The following ADGB variants were observed in gnomAD, a reference collection of about 807,000 sequenced individuals.
ADGB encodes calpain-7-like protein.
A neutral mutation model predicts 210.5 loss-of-function variants in ADGB; 172 were observed. The observed-to-expected ratio is 0.82, with a 90% CI of 0.72 to 0.93. The LOEUF is 0.93. Ranked by LOEUF, ADGB falls within the 40% of genes least tolerant of loss-of-function variation. The pLI is 0.00. For missense variants in ADGB, 2,025 were observed against 1,964.8 expected (o/e 1.03, Z -0.58); for synonymous variants, 658 against 662.7 (o/e 0.99, Z 0.11).
In ADGB at chr6:146,717,050, G is replaced by A; in HGVS notation, c.1909G>A (p.Asp637Asn). Residue 637 changes from aspartate to asparagine, a missense_variant, in exon 15 of 36, where the codon GAT becomes AAT. Asp to Asn is a conservative substitution (Grantham distance 23, BLOSUM62 1). Transcript: ENST00000397944. ...TAAAGAAATATGGTTAGATTTTGAAGATTTCTGTGTATGCTTTCAGTAAGT... is the reference window on the plus strand; with the variant it reads ...TAAAGAAATATGGTTAGATTTTGAAAATTTCTGTGTATGCTTTCAGTAAGT... ...VSKEIWLDFE[D>N]FCVCFQNIYI... The A allele has an allele frequency of 6.4e-7, 1 of 1,551,376 alleles. No homozygotes were observed.
At chr6:146,640,691 G>A (rs1436332310) in intron 2 of ADGB, among the ~76,000 whole-genome samples, 1 of 151,862 alleles carries the variant, frequency 6.6e-6, no homozygotes, top group Non-Finnish European at 1.5e-5. Flanking sequence ...TGCAGAAGAG[G>A]CTTTTGATAA....
intron 1 of ADGB, among the ~76,000 whole-genome samples, chr6:146,625,834 G>A (rs1780963621): frequency 6.6e-6 from 1 of 151,950 alleles, no homozygotes; most frequent in Admixed American, 6.6e-5. Flanking sequence ...TGCAAGAATG[G>A]ACTAATACAG....
chr6:146,715,984 C>T (rs1054924088), intron 14 of ADGB, among the ~76,000 whole-genome samples: 3 of 148,444 alleles, frequency 2.0e-5, no homozygotes, highest in African/African-American at 7.6e-5. Flanking sequence ...AGGAGAATCT[C>T]TTGAACCAGG....
chr6:146,783,716 TA>T (rs1777833494), intron 30 of ADGB, among the ~76,000 whole-genome samples: 1 of 152,182 alleles, frequency 6.6e-6, no homozygotes, highest in Admixed American at 6.5e-5. Context: ...CCAGCTGCAT[TA>T]TTTATCAGTG....
chr6:146,715,379 T>G lies in ADGB; in HGVS notation c.1708-3T>G. Reference sequence around the variant, plus strand: ...TTCAAAGTGTGTTTCTTTTAATTCATAGGGAAATACTGCTTCACAAGTTAT... The same window carrying G: ...TTCAAAGTGTGTTTCTTTTAATTCAGAGGGAAATACTGCTTCACAAGTTAT... On this transcript the variant is annotated splice_region_variant and splice_polypyrimidine_tract_variant and intron_variant, in intron 13 of 35. Coordinates refer to ENST00000397944, the MANE Select transcript of ADGB (RefSeq NM_024694.4). 1 of 1,507,918 alleles carries G rather than the reference T, an allele frequency of 6.6e-7. No homozygotes were observed. The allele number at this position is 1,507,918 out of a possible 1,614,324, so 93.4% of individuals were successfully genotyped here.
intron 35 of ADGB, among the ~76,000 whole-genome samples, chr6:146,810,453 A>G (rs1430055431): frequency 6.6e-6 from 1 of 152,172 alleles, no homozygotes; most frequent in African/African-American, 2.4e-5. Flanking sequence ...ATTCCTGGGT[A>G]TATATTAAAG....
At chr6:146,697,327 G>A (rs1776419330) in intron 12 of ADGB, among the ~76,000 whole-genome samples, 1 of 152,164 alleles carries the variant, frequency 6.6e-6, no homozygotes, top group Non-Finnish European at 1.5e-5. Flanking sequence ...TGCAGCAATA[G>A]GTGGCTAATA....
intron 3 of ADGB, among the ~76,000 whole-genome samples, chr6:146,647,805 T>A (rs1775643459): frequency 6.6e-6 from 1 of 152,016 alleles, no homozygotes; most frequent in South Asian, 2.1e-4. Flanking sequence ...TTTTTGAATA[T>A]GACTCTGATA....
At chr6:146,786,286 G>A (rs2114648804) in intron 32 of ADGB, among the ~76,000 whole-genome samples, 1 of 150,930 alleles carries the variant, frequency 6.6e-6, no homozygotes, top group Non-Finnish European at 1.5e-5. Flanking sequence ...CTAAGTTCAG[G>A]GCCAGAGACA....
intron 35 of ADGB, chr6:146,807,511 C>T: frequency 1.9e-6 from 3 of 1,551,540 alleles, no homozygotes; most frequent in Non-Finnish European, 2.6e-6. Context: ...GCTCAGGAAG[C>T]CGCCATGAAG....
At chr6:146,764,140 AC>A (rs1221016228) in intron 28 of ADGB, 40 bp downstream of exon 28, 4 of 1,462,062 alleles carry the variant, frequency 2.7e-6, no homozygotes, top group Non-Finnish European at 3.7e-6. Context: ...TGTTCCTAAA[AC>A]CCTAACATAA....
intron 1 of ADGB, among the ~76,000 whole-genome samples, chr6:146,618,141 G>T (rs1055788110): frequency 6.6e-6 from 1 of 151,878 alleles, no homozygotes; most frequent in Non-Finnish European, 1.5e-5. Context: ...TATCATAAAG[G>T]TCTCCATCAT....
At chr6:146,787,787 C>T (rs1157076263) in intron 32 of ADGB, among the ~76,000 whole-genome samples, 2 of 152,010 alleles carry the variant, frequency 1.3e-5, no homozygotes, top group African/African-American at 4.8e-5. Flanking sequence ...CAATGCAGAA[C>T]ATAACATGAA....
chr6:146,715,182 T>A (rs1776715310), intron 13 of ADGB, among the ~76,000 whole-genome samples, 200 bp from the exon 14 acceptor site: 1 of 152,228 alleles, frequency 6.6e-6, no homozygotes, highest in Non-Finnish European at 1.5e-5. Context: ...GCTTAAATAC[T>A]CAGTCAATTG....
chr6:146,645,206 A>G (rs1411697340), intron 3 of ADGB, among the ~76,000 whole-genome samples: 1 of 152,016 alleles, frequency 6.6e-6, no homozygotes, highest in African/African-American at 2.4e-5. Flanking sequence ...CATTCATAGC[A>G]TGGAGGTCTG....
intron 10 of ADGB, among the ~76,000 whole-genome samples, chr6:146,687,192 A>T (rs779442119): frequency 1.3e-5 from 2 of 152,114 alleles, no homozygotes; most frequent in Non-Finnish European, 2.9e-5. Flanking sequence ...AGCAATTTGG[A>T]CTGAATATAA....
At position 146,748,167 on chromosome 6, in the gene ADGB, G is replaced by GA. The variant is rs202002689; in HGVS notation, c.3365+2067dup. On this transcript the variant is annotated intron_variant, in intron 26 of 35. Transcript: ENST00000397944. The stretch of plus-strand genomic sequence containing the variant: ...TTAATCATAAAAGACGTGGAATATG[G>GA]AAAAAAAAACTTCACTCAAGGCAGC... Among the ~76,000 whole-genome samples, 511 of 150,696 alleles carry GA rather than the reference G, an allele frequency of 3.4e-3. 1 individual carries two copies. The highest frequency in any genetic ancestry group is 5.7e-3 in the Non-Finnish European group (383 of 67,616).
Position 146,644,817 on chromosome 6 carries a change from C to T in ADGB, c.282C>T (p.Ser94=), listed in dbSNP as rs748772931. 1.3e-6 allele frequency: 2 copies of T among 1,491,174 alleles called. No individual in the cohort carries two copies. The highest frequency in any genetic ancestry group is 2.9e-5 in the South Asian group (2 of 69,946). 92.4% of individuals were successfully genotyped at this position (1,491,174 alleles called of 1,614,324 possible). Residue 94 remains serine, a synonymous_variant, in exon 3 of 36, where the codon TCC becomes TCT. Coordinates refer to ENST00000397944, the MANE Select transcript of ADGB (RefSeq NM_024694.4). ...DPEGKIELPP[S]LKIYSWKRPQ... ...AAGGAAAGATTGAGTTACCACCATC[C>T]TTGAAAATTTATTCCTGGAAACGTC...
At chr6:146,813,880 G>T (rs1247624599) in intron 35 of ADGB, among the ~76,000 whole-genome samples, 2 of 152,188 alleles carry the variant, frequency 1.3e-5, no homozygotes, top group Non-Finnish European at 1.5e-5. Context: ...GAGAGAGCCT[G>T]AGTTTTGATT....
Sources: allele counts gnomAD v4.1 joint callset (sites outside exome capture counted in the v4.1 genomes callset), GRCh38; gene constraint gnomAD v4.1.1; transcripts MANE v1.5; gene names NCBI Gene and HGNC (gene_info 2026-07-23, HGNC 2026-07-21).